The following PID1 variants were observed in gnomAD, a reference collection of about 807,000 sequenced individuals.
The protein encoded by PID1 is PTB-containing, cubilin and LRP1-interacting protein.
Under a neutral mutation model 19.1 loss-of-function variants are expected in PID1, and 10 were observed. That is an observed-to-expected ratio of 0.52 (90% CI 0.32 to 0.89). The LOEUF is 0.89. Among genes scored for constraint, PID1 ranks in the 40% least tolerant of loss-of-function variants. The pLI, the probability that PID1 is intolerant of heterozygous loss-of-function variation, is 0.03. For synonymous variants in PID1, 130 were observed against 116.0 expected (o/e 1.12, Z -0.78); for missense variants, 248 against 285.3 (o/e 0.87, Z 0.94).
rs76609597 is a variant in PID1 at position 229,102,505 on chromosome 2, C to T, written c.177+53313G>A. ...GAGGAAAGCGAGACTTAAGCAGAGACGGTTCCTCTCCAAACTAGCTCAGAG... is the reference window on the plus strand; with the variant it reads ...GAGGAAAGCGAGACTTAAGCAGAGATGGTTCCTCTCCAAACTAGCTCAGAG... On this transcript the variant is annotated intron_variant, in intron 2 of 2. Coordinates refer to ENST00000392055, the MANE Select transcript of PID1 (RefSeq NM_001100818.2). 2.8e-4 allele frequency among the ~76,000 whole-genome samples: 43 copies of T among 152,256 alleles called. No individual in the cohort carries two copies. In the East Asian group the frequency reaches 7.2e-3, roughly 25 times the overall value.
intron 2 of PID1, among the ~76,000 whole-genome samples, chr2:229,126,453 T>C (rs1695625646): frequency 6.6e-6 from 1 of 152,170 alleles, no homozygotes; most frequent in Non-Finnish European, 1.5e-5. Flanking sequence ...ATTACACATT[T>C]CTCAGCTAAG....
chr2:229,107,006 T>G (rs1049348394), intron 2 of PID1, among the ~76,000 whole-genome samples: 1 of 133,492 alleles, frequency 7.5e-6, no homozygotes, highest in Admixed American at 7.2e-5. Context: ...GTCCAGTGAC[T>G]GTTTCCTTAT....
At chr2:229,206,693 C>T (rs1691616033) in intron 1 of PID1, among the ~76,000 whole-genome samples, 1 of 152,130 alleles carries the variant, frequency 6.6e-6, no homozygotes, top group Admixed American at 6.5e-5. Context: ...GTATTGGTAC[C>T]CGTAGTTCTA....
chr2:229,201,054 T>C (rs184493252), intron 1 of PID1, among the ~76,000 whole-genome samples: 7 of 152,180 alleles, frequency 4.6e-5, no homozygotes, highest in African/African-American at 1.7e-4. Context: ...AGGAAAGCCA[T>C]TTTTTAAAAC....
intron 2 of PID1, among the ~76,000 whole-genome samples, chr2:229,056,862 C>G (rs1694113138): frequency 6.6e-6 from 1 of 152,026 alleles, no homozygotes; most frequent in African/African-American, 2.4e-5. Context: ...ATTTTTCATG[C>G]CCTGAGGTGA....
At chr2:229,064,465 C>G (rs1477583277) in intron 2 of PID1, among the ~76,000 whole-genome samples, 1 of 152,052 alleles carries the variant, frequency 6.6e-6, no homozygotes, top group African/African-American at 2.4e-5. Flanking sequence ...GTTTAGGGCA[C>G]AGGGAAATGG....
At chr2:229,248,764 T>C (rs1389986944) in intron 1 of PID1, among the ~76,000 whole-genome samples, 1 of 143,056 alleles carries the variant, frequency 7.0e-6, no homozygotes. Flanking sequence ...CATAGACTTA[T>C]TTTTTTTTAA....
intron 2 of PID1, among the ~76,000 whole-genome samples, chr2:229,044,746 T>C (rs563134045): frequency 1.2e-4 from 19 of 152,296 alleles, no homozygotes; most frequent in Admixed American, 1.2e-3. Context: ...TTGCTTTGTG[T>C]ATGACTGTCT....
At chr2:229,193,404 G>A (rs1002123462) in intron 1 of PID1, among the ~76,000 whole-genome samples, 6 of 152,112 alleles carry the variant, frequency 3.9e-5, no homozygotes, top group African/African-American at 1.4e-4. Context: ...GGCTTGTTCT[G>A]AGCTAACATC....
intron 2 of PID1, among the ~76,000 whole-genome samples, chr2:229,041,151 C>G (rs1241105224): frequency 6.6e-6 from 1 of 152,178 alleles, no homozygotes; most frequent in East Asian, 1.9e-4. Flanking sequence ...ATCTTGGTTT[C>G]TAAATATCAT....
At chr2:229,078,217 G>C (rs9802504) in intron 2 of PID1, among the ~76,000 whole-genome samples, 1 of 152,116 alleles carries the variant, frequency 6.6e-6, no homozygotes, top group African/African-American at 2.4e-5. Context: ...TTGGTGTATA[G>C]GAATGTTTGT....
In PID1 at chr2:229,208,077, A is replaced by G. The variant is rs531449918; in HGVS notation, c.31-52113T>C. Among the ~76,000 whole-genome samples, 3 of 152,256 alleles carry G rather than the reference A, an allele frequency of 2.0e-5. No individual in the cohort carries two copies. The East Asian group carries it at 5.8e-4, about 29-fold the overall frequency. On this transcript the variant is annotated intron_variant, in intron 1 of 2. Transcript: ENST00000392055. ...TGTTTTTCTCTTTTAATCACCACAA[A>G]TAATCAGTTTGCTTTTCCCAGGCCT... is the stretch of plus-strand genomic sequence containing the variant.
intron 1 of PID1, among the ~76,000 whole-genome samples, chr2:229,204,642 A>G (rs770941107): frequency 6.6e-6 from 1 of 152,098 alleles, no homozygotes; most frequent in Non-Finnish European, 1.5e-5. Context: ...GAGGTCACAC[A>G]GGCTTTGATC....
At chr2:229,226,816 T>C (rs1362241) in intron 1 of PID1, among the ~76,000 whole-genome samples, 42,148 of 152,124 alleles carry the variant, frequency 0.28, 6,693 homozygotes, top group East Asian at 0.66. Context: ...GCATTTACAG[T>C]TTATACAACA....
intron 1 of PID1, among the ~76,000 whole-genome samples, chr2:229,210,537 AAAAAAAAAAAAAAAAAAC>A (rs1691708830): frequency 1.4e-5 from 2 of 146,646 alleles, no homozygotes; most frequent in African/African-American, 5.0e-5. Flanking sequence ...AAAAAAAAAA[AAAAAAAAAAAAAAAAAAC>A]AACCTAGAAG....
At chr2:229,047,850 C>T (rs545125829) in intron 2 of PID1, among the ~76,000 whole-genome samples, 1 of 152,310 alleles carries the variant, frequency 6.6e-6, no homozygotes, top group African/African-American at 2.4e-5. Flanking sequence ...AGCCCAAGAG[C>T]CTGAACAAAG....
At chr2:229,052,240 G>A (rs1694010379) in intron 2 of PID1, among the ~76,000 whole-genome samples, 1 of 152,106 alleles carries the variant, frequency 6.6e-6, no homozygotes, top group Non-Finnish European at 1.5e-5. Flanking sequence ...GGTTACAACT[G>A]CCCAGAGGAA....
chr2:229,170,525 A>G (rs1194205219), intron 1 of PID1, among the ~76,000 whole-genome samples: 1 of 152,198 alleles, frequency 6.6e-6, no homozygotes, highest in East Asian at 1.9e-4. Flanking sequence ...AAAAATGTGT[A>G]AAAACATATA....
At chr2:229,236,884 C>T (rs1689705620) in intron 1 of PID1, among the ~76,000 whole-genome samples, 2 of 151,970 alleles carry the variant, frequency 1.3e-5, no homozygotes. Context: ...TGCAGCCACA[C>T]TCACTTGCTC....
Sources: gnomAD v4.1 joint callset for allele counts (sites outside exome capture counted in the v4.1 genomes callset) on GRCh38, gnomAD v4.1.1 for gene constraint, MANE v1.5 for transcripts, NCBI Gene and HGNC (gene_info 2026-07-23, HGNC 2026-07-21) for gene names.